Variants in CADPS observed in about 807,000 individuals in gnomAD.
CADPS encodes the protein calcium-dependent secretion activator 1.
Under a neutral mutation model 167.3 loss-of-function variants are expected in CADPS, and 57 were observed. The ratio of observed to expected loss-of-function variants is 0.34; its 90% CI spans 0.28 to 0.42. CADPS has a LOEUF of 0.42. CADPS is among the 20% of genes least tolerant of loss of function. CADPS has a pLI of 1.00. For missense variants in CADPS, 1,414 were observed against 1,738.1 expected (o/e 0.81, Z 3.32); for synonymous variants, 676 against 635.3 (o/e 1.06, Z -0.96).
intron 26 of CADPS, among the ~76,000 whole-genome samples, chr3:62,456,988 T>C (rs1473145583): frequency 4.6e-5 from 7 of 152,076 alleles, no homozygotes. Context: ...GTCTAGAAAG[T>C]TCCTTCGATT....
chr3:62,599,498 T>G (rs1173919056), intron 6 of CADPS, among the ~76,000 whole-genome samples: 2 of 116,976 alleles, frequency 1.7e-5, no homozygotes, highest in African/African-American at 6.8e-5. Context: ...TATATATATA[T>G]TTTATATATA....
intron 1 of CADPS, among the ~76,000 whole-genome samples, chr3:62,850,869 T>C (rs2078418210): frequency 6.6e-6 from 1 of 151,856 alleles, no homozygotes; most frequent in Non-Finnish European, 1.5e-5. Context: ...ATGTTGACAG[T>C]GGGGTGTTAC....
chr3:62,749,636 G>A (rs1394729921), intron 3 of CADPS, among the ~76,000 whole-genome samples: 2 of 152,176 alleles, frequency 1.3e-5, no homozygotes, highest in Non-Finnish European at 2.9e-5. Flanking sequence ...AGTGTAGTCT[G>A]CCAGAAAGTG....
chr3:62,597,302 A>C (rs1223594934), intron 6 of CADPS, among the ~76,000 whole-genome samples: 2 of 152,206 alleles, frequency 1.3e-5, no homozygotes. Context: ...AGCTATGATC[A>C]CGCCACTGTA....
At chr3:62,643,816 A>T (rs561181471) in intron 6 of CADPS, among the ~76,000 whole-genome samples, 69 of 152,342 alleles carry the variant, frequency 4.5e-4, no homozygotes, top group African/African-American at 1.6e-3. Flanking sequence ...TTCTTCCCCC[A>T]TGTATCACAC....
chr3:62,796,315 A>G (rs1351154646), intron 1 of CADPS: 1 of 152,178 alleles, frequency 6.6e-6, no homozygotes, highest in East Asian at 1.9e-4. Context: ...CACAGACACC[A>G]ACTGGCATAG....
rs925292375 is a variant in CADPS at position 62,478,511 on chromosome 3, G to C, written c.3174-95C>G. ...ACAACTGGGGGCTAGAAGGCAAACAGCAGCTTCAACATACAAAACAACGTG... is the reference window on the plus strand; with the variant it reads ...ACAACTGGGGGCTAGAAGGCAAACACCAGCTTCAACATACAAAACAACGTG... On this transcript the variant is annotated intron_variant, in intron 22 of 29. Coordinates refer to ENST00000383710, the MANE Select transcript of CADPS (RefSeq NM_003716.4). The surrounding 1 kb of genome is among the most constrained non-coding windows in gnomAD (Gnocchi z 5.7). The C allele has an allele frequency of 3.4e-6, 4 of 1,181,188 alleles. No homozygotes were observed. Among genetic ancestry groups the C allele is most frequent in the Non-Finnish European group, 4.8e-6 (4 of 832,330 alleles). The allele number at this position is 1,181,188 out of a possible 1,614,324, so 73.2% of individuals were successfully genotyped here.
rs144468759 is a variant in CADPS, at chr3:62,478,053, G to A, written c.3329+208C>T. ...GCCAACAACCATGAAAAAATTGGCA[G>A]CCAGATTATTTTGGGTTTGGGACAG... On this transcript the variant is annotated intron_variant, in intron 23 of 29. Coordinates refer to ENST00000383710, the MANE Select transcript of CADPS (RefSeq NM_003716.4). This position sits in a 1 kb window ranked among gnomAD's most constrained non-coding sequence, Gnocchi z 5.7. 550 of 530,458 alleles carry A rather than the reference G, an allele frequency of 1.0e-3. 11 individuals carry two copies. The East Asian group carries it at 0.016, about 15-fold the overall frequency. 32.9% of individuals were successfully genotyped at this position (530,458 alleles called of 1,614,324 possible).
chr3:62,573,506 C>T (rs970716897), intron 8 of CADPS, among the ~76,000 whole-genome samples: 2 of 152,146 alleles, frequency 1.3e-5, no homozygotes, highest in African/African-American at 4.8e-5. Context: ...AGCATCTTGA[C>T]CTAGCCTAAA....
intron 3 of CADPS, among the ~76,000 whole-genome samples, chr3:62,694,227 C>T (rs1563943597): frequency 6.6e-6 from 1 of 151,992 alleles, no homozygotes; most frequent in Non-Finnish European, 1.5e-5. Flanking sequence ...GTGAAAATAA[C>T]ATTATTTTGA....
intron 6 of CADPS, among the ~76,000 whole-genome samples, chr3:62,632,381 C>A (rs2065450917): frequency 6.6e-6 from 1 of 151,884 alleles, no homozygotes; most frequent in Admixed American, 6.6e-5. Context: ...ATAATAAGAC[C>A]AACCACACTG....
chr3:62,764,966 T>C (rs2086476250), intron 2 of CADPS, among the ~76,000 whole-genome samples: 1 of 152,232 alleles, frequency 6.6e-6, no homozygotes, highest in Non-Finnish European at 1.5e-5. Context: ...GCCTAGGAGC[T>C]GGTCTCTAAT....
Position 62,421,040 on chromosome 3 carries a change from G to A in CADPS, c.3777+17064C>T, listed in dbSNP as rs571342587. Among the ~76,000 whole-genome samples, 24 of 152,158 alleles carry A rather than the reference G, an allele frequency of 1.6e-4. No individual in the cohort carries two copies. Among genetic ancestry groups the A allele is most frequent in the African/African-American group, 7.2e-5 (3 of 41,528 alleles). Reference sequence around the variant, plus strand: ...CACATTCAACATGCTGGGTGCCCTCGACAGCTACAGATGGTTTGGGATCCA... The same window carrying A: ...CACATTCAACATGCTGGGTGCCCTCAACAGCTACAGATGGTTTGGGATCCA... On this transcript the variant is annotated intron_variant, in intron 28 of 29. Coordinates refer to ENST00000383710, the MANE Select transcript of CADPS (RefSeq NM_003716.4). This position sits in a 1 kb window ranked among gnomAD's most constrained non-coding sequence, Gnocchi z 4.7.
chr3:62,591,347 A>G (rs2085968590), intron 7 of CADPS, among the ~76,000 whole-genome samples: 1 of 152,210 alleles, frequency 6.6e-6, no homozygotes, highest in South Asian at 2.1e-4. Flanking sequence ...AGGAGCTAAG[A>G]TAGCAAATGA....
chr3:62,428,786 G>A (rs1053503983), intron 28 of CADPS, among the ~76,000 whole-genome samples: 1 of 152,150 alleles, frequency 6.6e-6, no homozygotes, highest in Admixed American at 6.5e-5. Context: ...AAATGGGGAT[G>A]ATTTTGCCCC....
At chr3:62,594,186 G>C (rs2086754932) in intron 6 of CADPS, among the ~76,000 whole-genome samples, 1 of 137,098 alleles carries the variant, frequency 7.3e-6, no homozygotes, top group African/African-American at 2.6e-5. Flanking sequence ...TTTTGAGACA[G>C]AGTCTCGCTC....
chr3:62,622,530 T>A (rs757129922), intron 6 of CADPS, among the ~76,000 whole-genome samples: 1 of 152,114 alleles, frequency 6.6e-6, no homozygotes, highest in African/African-American at 2.4e-5. Flanking sequence ...CTAACCTTGA[T>A]GAAATAAGAA....
intron 8 of CADPS, among the ~76,000 whole-genome samples, chr3:62,575,769 G>A (rs1038792657): frequency 4.6e-5 from 7 of 152,170 alleles, no homozygotes; most frequent in African/African-American, 1.7e-4. Flanking sequence ...CATGAGTCAC[G>A]ATTCTAATTG....
At chr3:62,689,035 A>G (rs193291113) in intron 3 of CADPS, among the ~76,000 whole-genome samples, 1 of 152,024 alleles carries the variant, frequency 6.6e-6, no homozygotes, top group South Asian at 2.1e-4. Context: ...GTTTCTTTTC[A>G]CTTCCTTTGT....
Sources: allele counts gnomAD v4.1 joint callset (sites outside exome capture counted in the v4.1 genomes callset), GRCh38; gene constraint gnomAD v4.1.1; non-coding constraint Gnocchi (gnomAD v3.1); transcripts MANE v1.5; gene names NCBI Gene and HGNC (gene_info 2026-07-23, HGNC 2026-07-21).